PCMTD2: variants seen among roughly 807,000 people sequenced by gnomAD.
PCMTD2 encodes the protein protein-L-isoaspartate (D-aspartate) O-methyltransferase domain containing 2.
PCMTD2 carries 16 observed loss-of-function variants against 33.4 expected under a neutral mutation model. That is an observed-to-expected ratio of 0.48 (90% CI 0.32 to 0.73). The LOEUF is 0.73. PCMTD2 is among the 30% of genes least tolerant of loss of function. PCMTD2 has a pLI of 0.03. For synonymous variants in PCMTD2, 161 were observed against 160.8 expected, an observed-to-expected ratio of 1.00 and a Z score of -0.01; for missense variants, 374 against 449.9, an observed-to-expected ratio of 0.83 and a Z score of 1.53.
Position 64,267,878 on chromosome 20 carries a change from C to T in PCMTD2, c.583-9C>T, listed in dbSNP as rs567326829. ...TCTTTTGAATATTCTCATTTTGTCTCTGGGATAGTTGACTAAGATAACACG... is the reference window on the plus strand; with the variant it reads ...TCTTTTGAATATTCTCATTTTGTCTTTGGGATAGTTGACTAAGATAACACG... On this transcript the variant is annotated splice_polypyrimidine_tract_variant and intron_variant, in intron 4 of 5. Transcript: ENST00000308824. The T allele has an allele frequency of 3.1e-6, 5 of 1,611,736 alleles. No individual in the cohort carries two copies. Among genetic ancestry groups the T allele is most frequent in the Admixed American group, 3.4e-5 (2 of 59,678 alleles).
chr20:64,261,257 T>A (rs557323618), intron 2 of PCMTD2, among the ~76,000 whole-genome samples: 7 of 152,252 alleles, frequency 4.6e-5, no homozygotes, highest in Admixed American at 2.0e-4. Flanking sequence ...TGATAGGAGC[T>A]GATCTGTAAA....
In PCMTD2 at chr20:64,264,400, A is replaced by C. The variant is rs780338190; in HGVS notation, c.308-29A>C. The stretch of plus-strand genomic sequence containing the variant: ...GAGCAAGAGTTCTTACTCTGGTTCT[A>C]CATGTTTTCTTATTCTTAAACCTTT... On this transcript the variant is annotated intron_variant, in intron 2 of 5. Coordinates refer to ENST00000308824, the MANE Select transcript of PCMTD2 (RefSeq NM_018257.3). 6 of 1,077,658 alleles carry C rather than the reference A, an allele frequency of 5.6e-6. No homozygotes were observed. The Admixed American group carries it at 6.8e-5, about 12-fold the overall frequency. 66.8% of individuals were successfully genotyped at this position (1,077,658 alleles called of 1,614,324 possible).
chr20:64,273,762 T>TA lies in PCMTD2; in HGVS notation c.*166dup. 2.0e-6 allele frequency: 1 copy of TA among 508,630 alleles called. No homozygotes were observed. The highest frequency in any genetic ancestry group is 3.4e-6 in the Non-Finnish European group (1 of 294,532). The allele number at this position is 508,630 out of a possible 1,614,324, so 31.5% of individuals were successfully genotyped here. A position where few individuals can be genotyped will look rare whatever the true frequency, so the allele number is the denominator to read the frequency against. On this transcript the variant is annotated 3_prime_UTR_variant, in exon 6 of 6. Coordinates refer to ENST00000308824, the MANE Select transcript of PCMTD2 (RefSeq NM_018257.3). ...TTTCTTCTAGTTCCTGATTGACCTCTAAAATTCTATTCAGTTGTATGATTT... is the reference window on the plus strand; with the variant it reads ...TTTCTTCTAGTTCCTGATTGACCTCTAAAAATTCTATTCAGTTGTATGATTT...
At chr20:64,262,654 G>A (rs1985474851) in intron 2 of PCMTD2, 1 of 152,422 alleles carries the variant, frequency 6.6e-6, no homozygotes, top group Non-Finnish European at 1.5e-5. Context: ...TGTGACCCCC[G>A]ACTGCCTTTC....
In PCMTD2 at chr20:64,259,337, A is replaced by T. The variant is rs545550490; in HGVS notation, c.-24-605A>T. Among the ~76,000 whole-genome samples, 10 of 151,548 alleles carry T rather than the reference A, an allele frequency of 6.6e-5. No individual in the cohort carries two copies. In the South Asian group the frequency reaches 2.1e-3, roughly 32 times the overall value. ...ACTTTTGTGTATGTTGGGGATATAGAATTCCCAGATGTAATATAGGACACC... is the reference window on the plus strand; with the variant it reads ...ACTTTTGTGTATGTTGGGGATATAGTATTCCCAGATGTAATATAGGACACC... On this transcript the variant is annotated intron_variant, in intron 1 of 5. Transcript: ENST00000308824.
Position 64,264,409 on chromosome 20 carries a change from C to T in PCMTD2, c.308-20C>T. On this transcript the variant is annotated intron_variant, in intron 2 of 5. Coordinates refer to ENST00000308824, the MANE Select transcript of PCMTD2 (RefSeq NM_018257.3). ...TTCTTACTCTGGTTCTACATGTTTT[C>T]TTATTCTTAAACCTTTTAGGTCCTT... is the stretch of plus-strand genomic sequence containing the variant. 1 of 1,232,230 alleles carries T rather than the reference C, an allele frequency of 8.1e-7. No individual in the cohort carries two copies. 76.3% of individuals were successfully genotyped at this position (1,232,230 alleles called of 1,614,324 possible).
At chr20:64,258,054 A>C (rs1214227878) in intron 1 of PCMTD2, among the ~76,000 whole-genome samples, 3 of 152,222 alleles carry the variant, frequency 2.0e-5, no homozygotes, top group African/African-American at 7.2e-5. Context: ...TCCAACATAC[A>C]GTTTGAGGTT....
intron 2 of PCMTD2, among the ~76,000 whole-genome samples, chr20:64,263,220 A>G (rs193138340): frequency 2.2e-4 from 34 of 152,306 alleles, no homozygotes; most frequent in African/African-American, 7.0e-4. Context: ...GTTCAGAGTA[A>G]TTCAGGATTT....
At chr20:64,266,741 A>G (rs1985677350) in intron 4 of PCMTD2, among the ~76,000 whole-genome samples, 1 of 152,202 alleles carries the variant, frequency 6.6e-6, no homozygotes, top group Non-Finnish European at 1.5e-5. Context: ...TTGCTATACA[A>G]AATGCATTGG....
At chr20:64,269,828 G>T (rs1346777426) in intron 5 of PCMTD2, among the ~76,000 whole-genome samples, 1 of 141,086 alleles carries the variant, frequency 7.1e-6, no homozygotes, top group African/African-American at 2.8e-5. Context: ...GTGGGCACGC[G>T]TGGTGTGGGG....
chr20:64,257,973 A>T (rs1568731273), intron 1 of PCMTD2, among the ~76,000 whole-genome samples: 1 of 152,250 alleles, frequency 6.6e-6, no homozygotes, highest in Non-Finnish European at 1.5e-5. Flanking sequence ...TTTACTAAAA[A>T]GCTGTCTGAA....
At chr20:64,266,071 T>C (rs1445063820) in intron 4 of PCMTD2, among the ~76,000 whole-genome samples, 1 of 152,114 alleles carries the variant, frequency 6.6e-6, no homozygotes, top group African/African-American at 2.4e-5. Context: ...GTTTTAATTG[T>C]TTTAATAAAA....
At chr20:64,273,071 T>C (rs560302464) in intron 5 of PCMTD2, 150 bp from the exon 6 acceptor site, 1 of 617,720 alleles carries the variant, frequency 1.6e-6, no homozygotes, top group East Asian at 2.7e-5. Context: ...AGAGCACTAA[T>C]TGACATTTGC....
At chr20:64,256,618 G>A (rs1436335976) in intron 1 of PCMTD2, 1 of 152,314 alleles carries the variant, frequency 6.6e-6, no homozygotes, top group Admixed American at 6.5e-5. Flanking sequence ...AAGTTGAGGT[G>A]CCTATAAGCA....
intron 2 of PCMTD2, among the ~76,000 whole-genome samples, chr20:64,262,317 T>A (rs562128305): frequency 6.6e-6 from 1 of 152,130 alleles, no homozygotes; most frequent in African/African-American, 2.4e-5. Context: ...CTAGAAGTTA[T>A]AAGGAAAGGC....
intron 1 of PCMTD2, among the ~76,000 whole-genome samples, chr20:64,258,571 G>T (rs1985264793): frequency 6.6e-6 from 1 of 152,098 alleles, no homozygotes; most frequent in African/African-American, 2.4e-5. Flanking sequence ...TTTCATTCCT[G>T]GGAAAACCTC....
At chr20:64,257,734 T>C (rs1985227952) in intron 1 of PCMTD2, among the ~76,000 whole-genome samples, 1 of 152,208 alleles carries the variant, frequency 6.6e-6, no homozygotes, top group African/African-American at 2.4e-5. Flanking sequence ...CGGTGTGTTG[T>C]GTGGTAAAGA....
Position 64,260,085 on chromosome 20 carries a change from C to A in PCMTD2, c.120C>A (p.Asp40Glu). 1 of 1,612,760 alleles carries A rather than the reference C, an allele frequency of 6.2e-7. No individual in the cohort carries two copies. Among genetic ancestry groups the A allele is most frequent in the South Asian group, 1.1e-5 (1 of 91,038 alleles). ...EQAFRAIDRADYYLEEFKENA... is the reference protein window; with the variant it reads ...EQAFRAIDRAEYYLEEFKENA... ...CTTTCAGAGCTATCGATCGTGCAGA[C>A]TATTATCTTGAAGAATTTAAAGAAA... The change falls in exon 2 of 6, where the codon GAC becomes GAA. Residue 40 changes from aspartate (D) to glutamate (E), a missense_variant. Transcript: ENST00000308824.
intron 2 of PCMTD2, among the ~76,000 whole-genome samples, chr20:64,263,635 C>T (rs540402959): frequency 5.3e-5 from 8 of 152,296 alleles, no homozygotes; most frequent in Admixed American, 1.3e-4. Flanking sequence ...TTTACATATG[C>T]ATCCACCGCC....
Sources: gnomAD v4.1 joint callset for allele counts (sites outside exome capture counted in the v4.1 genomes callset) on GRCh38, gnomAD v4.1.1 for gene constraint, MANE v1.5 for transcripts, NCBI Gene and HGNC (gene_info 2026-07-23, HGNC 2026-07-21) for gene names.